RAI14: variants seen among roughly 807,000 people sequenced by gnomAD.
RAI14 encodes the protein ankycorbin.
Under a neutral mutation model 115.4 loss-of-function variants are expected in RAI14, and 45 were observed. The ratio of observed to expected loss-of-function variants is 0.39; its 90% CI spans 0.31 to 0.50. RAI14 has a LOEUF of 0.50. RAI14 is among the 20% of genes least tolerant of loss of function. The pLI is 0.85. For missense variants in RAI14, 939 were observed against 1,131.2 expected (o/e 0.83, Z 2.44); for synonymous variants, 371 against 415.4 (o/e 0.89, Z 1.30).
chr5:34,702,622 C>T (rs533905741), intron 2 of RAI14, among the ~76,000 whole-genome samples: 13 of 152,326 alleles, frequency 8.5e-5, no homozygotes, highest in Non-Finnish European at 1.9e-4. Flanking sequence ...CACTTCTCTA[C>T]TACAAACCTG....
intron 1 of RAI14, among the ~76,000 whole-genome samples, chr5:34,671,915 CAT>C: frequency 6.6e-6 from 1 of 152,102 alleles, no homozygotes; most frequent in Non-Finnish European, 1.5e-5. Context: ...ATAAAGAAGA[CAT>C]ATTATAGGTC....
In RAI14 at chr5:34,818,868, T is replaced by C; in HGVS notation, c.994+17T>C. 6.4e-7 allele frequency: 1 copy of C among 1,561,118 alleles called. No homozygotes were observed. The highest frequency in any genetic ancestry group is 1.7e-4 in the Middle Eastern group (1 of 5,858). On this transcript the variant is annotated intron_variant, in intron 13 of 17. Coordinates refer to ENST00000265109, the MANE Select transcript of RAI14 (RefSeq NM_015577.3). ...GTACTACAGGTAAGACAAGGAAGCA[T>C]CTGTTTTTTTTTTTCCTTCAACCAA...
chr5:34,688,168 A>G (rs1377451191), intron 2 of RAI14: 2 of 1,541,512 alleles, frequency 1.3e-6, no homozygotes, highest in South Asian at 1.2e-5. Context: ...CTTCCGAGAA[A>G]CCTCCTTCAA....
intron 3 of RAI14, among the ~76,000 whole-genome samples, chr5:34,790,694 G>C (rs1464063137): frequency 2.0e-5 from 3 of 150,744 alleles, no homozygotes; most frequent in Non-Finnish European, 4.4e-5. Flanking sequence ...TTTTTTAATA[G>C]TAGAATATGG....
At chr5:34,686,771 G>T in intron 1 of RAI14, 101 bp from the exon 2 acceptor site, 1 of 586,560 alleles carries the variant, frequency 1.7e-6, no homozygotes, top group Non-Finnish European at 2.9e-6. Context: ...CCTTCCCAAC[G>T]CAACCCTGCT....
chr5:34,824,568 C>T, intron 15 of RAI14, 77 bp downstream of exon 15: 1 of 1,187,948 alleles, frequency 8.4e-7, no homozygotes, highest in Non-Finnish European at 1.1e-6. Flanking sequence ...TTAAATATTT[C>T]TAGTGTTGGC....
intron 2 of RAI14, among the ~76,000 whole-genome samples, chr5:34,710,569 A>G (rs914385328): frequency 2.6e-5 from 4 of 152,166 alleles, no homozygotes; most frequent in African/African-American, 9.7e-5. Context: ...TGGGTGGAAG[A>G]TTAGATTTTA....
Position 34,824,493 on chromosome 5 carries a change from T to G in RAI14, c.2649+2T>G. On this transcript the variant is annotated splice_donor_variant, in intron 15 of 17. Transcript: ENST00000265109. LOFTEE classifies it high-confidence loss of function. ...CTGGAGGAAGATAAAGATAAAAAGG[T>G]TGGTGAAACTGTATTGCTGTTGGGT... 1 of 1,560,982 alleles carries G rather than the reference T, an allele frequency of 6.4e-7. No individual in the cohort carries two copies. The highest frequency in any genetic ancestry group is 8.7e-7 in the Non-Finnish European group (1 of 1,155,602).
At chr5:34,737,284 G>A (rs534492583) in intron 2 of RAI14, among the ~76,000 whole-genome samples, 82 of 152,242 alleles carry the variant, frequency 5.4e-4, no homozygotes, top group Non-Finnish European at 7.9e-4. Context: ...GAGGCTGAAG[G>A]TGCTGGCATT....
chr5:34,731,596 G>A (rs1744187896), intron 2 of RAI14, among the ~76,000 whole-genome samples: 1 of 152,060 alleles, frequency 6.6e-6, no homozygotes, highest in South Asian at 2.1e-4. Flanking sequence ...TTGTTTTTCT[G>A]TTTCCCAGTT....
intron 1 of RAI14, among the ~76,000 whole-genome samples, chr5:34,659,298 C>T (rs1262232882): frequency 3.3e-5 from 5 of 152,152 alleles, no homozygotes; most frequent in East Asian, 3.9e-4. Context: ...GCTGCGGTCT[C>T]GCTCTGTCAC....
chr5:34,829,942 A>G (rs1757855173), intron 17 of RAI14, 145 bp downstream of exon 17: 2 of 647,442 alleles, frequency 3.1e-6, no homozygotes, highest in Non-Finnish European at 5.2e-6. Context: ...TGCCTTTTGC[A>G]TTGCTTTGGA....
chr5:34,816,918 CA>C (rs1233418147), intron 12 of RAI14, among the ~76,000 whole-genome samples: 4 of 149,448 alleles, frequency 2.7e-5, no homozygotes, highest in Admixed American at 1.3e-4. Context: ...AAAACAACAA[CA>C]AAAAAAAACA....
rs1393379765 is a variant in RAI14, at chr5:34,831,536, A to C, written c.*771A>C. 3.9e-5 allele frequency: 6 copies of C among 152,614 alleles called. No individual in the cohort carries two copies. The highest frequency in any genetic ancestry group is 3.9e-4 in the Admixed American group (6 of 15,282). The allele number at this position is 152,614 out of a possible 1,614,324, so 9.5% of individuals were successfully genotyped here. On this transcript the variant is annotated 3_prime_UTR_variant, in exon 18 of 18. Transcript: ENST00000265109. ...ATTTGTGTTTCAACAAGGGACAGTA[A>C]ACTGTGTGTTTACAGCCAAAAGAAA...
intron 3 of RAI14, among the ~76,000 whole-genome samples, chr5:34,774,756 GAA>G (rs57231477): frequency 0.092 from 13,158 of 143,146 alleles, 986 homozygotes; most frequent in African/African-American, 0.22. Context: ...CACAGAAATA[GAA>G]AAAAAAAAAA....
Position 34,809,136 on chromosome 5 carries a change from C to A in RAI14, c.450+482C>A, listed in dbSNP as rs532903839. Reference sequence around the variant, plus strand: ...AAATGGATTTATGTATTACTCTTAACCCTTTTCCCATTTGCTCCAAGAATA... The same window carrying A: ...AAATGGATTTATGTATTACTCTTAAACCTTTTCCCATTTGCTCCAAGAATA... On this transcript the variant is annotated intron_variant, in intron 7 of 17. Coordinates refer to ENST00000265109, the MANE Select transcript of RAI14 (RefSeq NM_015577.3). Among the ~76,000 whole-genome samples, 255 of 152,304 alleles carry A rather than the reference C, an allele frequency of 1.7e-3. 2 individuals are homozygous for A. Among genetic ancestry groups the A allele is most frequent in the African/African-American group, 5.9e-3 (244 of 41,566 alleles).
chr5:34,827,951 A>G lies in RAI14; in HGVS notation c.2799+1472A>G, dbSNP rs1757615462. Reference sequence around the variant, plus strand: ...CTTGCTGAGTCATGAAAAGGTTCCTACGGGAGTTACACTTGTGCTGAGTCT... The same window carrying G: ...CTTGCTGAGTCATGAAAAGGTTCCTGCGGGAGTTACACTTGTGCTGAGTCT... On this transcript the variant is annotated intron_variant, in intron 16 of 17. Coordinates refer to ENST00000265109, the MANE Select transcript of RAI14 (RefSeq NM_015577.3). The surrounding 1 kb of genome is among the most constrained non-coding windows in gnomAD (Gnocchi z 4.2). Among the ~76,000 whole-genome samples, 1 of 152,170 alleles carries G rather than the reference A, an allele frequency of 6.6e-6. No individual in the cohort carries two copies. The highest frequency in any genetic ancestry group is 2.4e-5 in the African/African-American group (1 of 41,432).
At chr5:34,751,895 T>G (rs146901124) in intron 2 of RAI14, among the ~76,000 whole-genome samples, 4,245 of 152,322 alleles carry the variant, frequency 0.028, 89 homozygotes, top group Non-Finnish European at 0.041. Context: ...TTCTTTCAAG[T>G]GAATTCTCCT....
intron 3 of RAI14, among the ~76,000 whole-genome samples, chr5:34,777,427 A>G (rs574857658): frequency 4.6e-5 from 7 of 152,178 alleles, no homozygotes; most frequent in Non-Finnish European, 8.8e-5. Context: ...GAACAGAAAG[A>G]CAGATGCCAC....
Sources: gnomAD v4.1 joint callset for allele counts (sites outside exome capture counted in the v4.1 genomes callset) on GRCh38, gnomAD v4.1.1 for gene constraint, Gnocchi (gnomAD v3.1) non-coding constraint, MANE v1.5 for transcripts, NCBI Gene and HGNC (gene_info 2026-07-23, HGNC 2026-07-21) for gene names.